Variants in ANKS1B observed in about 807,000 individuals in gnomAD.
The protein encoded by ANKS1B is ankyrin repeat and sterile alpha motif domain-containing protein 1B.
Under a neutral mutation model 148.3 loss-of-function variants are expected in ANKS1B, and 36 were observed. The ratio of observed to expected loss-of-function variants is 0.24; its 90% CI spans 0.19 to 0.32. The LOEUF is 0.32. ANKS1B is among the 10% of genes least tolerant of loss of function. ANKS1B has a pLI of 1.00. For missense variants in ANKS1B, 1,157 were observed against 1,542.6 expected (o/e 0.75, Z 4.19); for synonymous variants, 542 against 560.8 (o/e 0.97, Z 0.47).
intron 20 of ANKS1B, among the ~76,000 whole-genome samples, chr12:98,805,367 A>G (rs888265312): frequency 1.3e-5 from 2 of 151,828 alleles, no homozygotes; most frequent in Non-Finnish European, 2.9e-5. Context: ...GTACATCATT[A>G]GCTCTCTTCT....
At chr12:99,107,508 A>G (rs1479946654) in intron 15 of ANKS1B, among the ~76,000 whole-genome samples, 2 of 152,240 alleles carry the variant, frequency 1.3e-5, no homozygotes, top group African/African-American at 4.8e-5. Flanking sequence ...TAAAAAGAAA[A>G]TCTGGCATTC....
In ANKS1B at chr12:99,707,803, TAG is replaced by T. The variant is rs143012803; in HGVS notation, c.1129-52595_1129-52594del. On this transcript the variant is annotated intron_variant, in intron 8 of 26. Coordinates refer to ENST00000683438, the MANE Select transcript of ANKS1B (RefSeq NM_001352186.2). ...CCAGCTCTCATAGGCTTCGCTGTCT[TAG>T]AGTTATTATAACTATATTGCTAAAG... Among the ~76,000 whole-genome samples, 1,226 of 152,214 alleles carry T rather than the reference TAG, an allele frequency of 8.1e-3. 19 individuals carry two copies. The highest frequency in any genetic ancestry group is 0.028 in the African/African-American group (1,167 of 41,526).
intron 14 of ANKS1B, among the ~76,000 whole-genome samples, chr12:99,221,454 T>C (rs1047540573): frequency 2.6e-4 from 40 of 152,288 alleles, no homozygotes; most frequent in Admixed American, 1.4e-3. Context: ...CATGGGGCTA[T>C]ATGGCTAATA....
intron 10 of ANKS1B, among the ~76,000 whole-genome samples, chr12:99,444,427 A>T (rs2095601961): frequency 6.6e-6 from 1 of 152,024 alleles, no homozygotes; most frequent in Non-Finnish European, 1.5e-5. Flanking sequence ...TAAATGAATA[A>T]AATTTCAGAA....
At chr12:98,737,941 A>AAGAT (rs759219213) in intron 9 of ANKS1B, among the ~76,000 whole-genome samples, 21 of 152,354 alleles carry the variant, frequency 1.4e-4, no homozygotes, top group Non-Finnish European at 2.6e-4. Context: ...TTAGTCTTTG[A>AAGAT]AGATTGTCAC....
intron 17 of ANKS1B, among the ~76,000 whole-genome samples, chr12:98,940,769 A>G (rs2099835478): frequency 6.6e-6 from 1 of 152,226 alleles, no homozygotes; most frequent in Admixed American, 6.5e-5. Flanking sequence ...TATGTATAAG[A>G]ATGTTCTTTG....
intron 8 of ANKS1B, among the ~76,000 whole-genome samples, chr12:99,725,809 C>G (rs2058561585): frequency 6.6e-6 from 1 of 152,180 alleles, no homozygotes; most frequent in Non-Finnish European, 1.5e-5. Context: ...TCTCAGACCA[C>G]AGTGCAATCA....
intron 10 of ANKS1B, among the ~76,000 whole-genome samples, chr12:99,485,720 C>A (rs555341008): frequency 7.9e-5 from 12 of 152,116 alleles, no homozygotes; most frequent in African/African-American, 2.9e-4. Context: ...GTATTCATTT[C>A]TTTTGATTCT....
At chr12:99,016,335 A>C (rs2099942519) in intron 17 of ANKS1B, among the ~76,000 whole-genome samples, 2 of 152,194 alleles carry the variant, frequency 1.3e-5, no homozygotes, top group African/African-American at 4.8e-5. Flanking sequence ...CCTTTTTGTA[A>C]AGTATACTCA....
intron 26 of ANKS1B, among the ~76,000 whole-genome samples, chr12:98,750,624 C>T (rs999934225): frequency 5.9e-5 from 9 of 152,116 alleles, no homozygotes; most frequent in African/African-American, 1.9e-4. Flanking sequence ...GGATGCAATA[C>T]GGCAGCCGGG....
intron 9 of ANKS1B, among the ~76,000 whole-genome samples, chr12:99,509,770 T>C (rs186111158): frequency 3.9e-5 from 6 of 152,126 alleles, no homozygotes; most frequent in Admixed American, 3.9e-4. Flanking sequence ...ATTTGCAATG[T>C]AGATGAAACA....
intron 12 of ANKS1B, among the ~76,000 whole-genome samples, chr12:99,311,320 T>C (rs2154025893): frequency 6.6e-6 from 1 of 152,144 alleles, no homozygotes; most frequent in South Asian, 2.1e-4. Flanking sequence ...GAAACAAATG[T>C]AGACTCTGTG....
intron 8 of ANKS1B, among the ~76,000 whole-genome samples, chr12:99,660,357 CT>C (rs919390761): frequency 7.9e-6 from 1 of 126,374 alleles, no homozygotes; most frequent in African/African-American, 3.1e-5. Context: ...CTTTCTTTTT[CT>C]TTTTCTTTTT....
intron 14 of ANKS1B, among the ~76,000 whole-genome samples, chr12:99,231,663 AT>A: frequency 6.6e-6 from 1 of 151,808 alleles, no homozygotes; most frequent in South Asian, 2.1e-4. Flanking sequence ...TTAAAAAAAA[AT>A]GTTTCCCTAG....
chr12:99,593,248 G>T (rs1337639312), intron 9 of ANKS1B, among the ~76,000 whole-genome samples: 1 of 151,696 alleles, frequency 6.6e-6, no homozygotes, highest in South Asian at 2.1e-4. Context: ...GGGTTGGGGG[G>T]GTCTTATAAT....
chr12:98,863,213 GGTAA>G (rs1171367305), intron 17 of ANKS1B, among the ~76,000 whole-genome samples: 1 of 152,166 alleles, frequency 6.6e-6, no homozygotes, highest in Non-Finnish European at 1.5e-5. Flanking sequence ...TCCTCCTAAT[GGTAA>G]GTGTTTATTA....
intron 8 of ANKS1B, among the ~76,000 whole-genome samples, chr12:99,761,796 C>T (rs753916243): frequency 3.3e-5 from 5 of 151,988 alleles, no homozygotes; most frequent in Non-Finnish European, 5.9e-5. Flanking sequence ...GCCTAGAAAA[C>T]CCTAAACTCC....
chr12:98,769,165 C>CTTTTTTTTTTTTTTTTTTTTTT lies in ANKS1B; in HGVS notation c.3579+3855_3579+3876dup, dbSNP rs1182264550. Among the ~76,000 whole-genome samples the CTTTTTTTTTTTTTTTTTTTTTT allele has an allele frequency of 9.7e-5, 4 of 41,232 alleles. 2 individuals carry two copies. The highest frequency in any genetic ancestry group is 1.7e-4 in the Non-Finnish European group (4 of 22,916). The allele number at this position is 41,232 out of a possible 152,430, so 27.0% of individuals were successfully genotyped here. A position where few individuals can be genotyped will look rare whatever the true frequency, so the allele number is the denominator to read the frequency against. ...TTGAGGTATTATAGGGTCTTCTTTACTTTTTTTTTTTTTTTTTTTTTTTTT... is the reference window on the plus strand; with the variant it reads ...TTGAGGTATTATAGGGTCTTCTTTACTTTTTTTTTTTTTTTTTTTTTTTTTTTTTTTTTTTTTTTTTTTTTTT... On this transcript the variant is annotated intron_variant, in intron 25 of 26. Transcript: ENST00000683438.
At chr12:99,389,099 T>C (rs1290231840) in intron 12 of ANKS1B, among the ~76,000 whole-genome samples, 1 of 152,188 alleles carries the variant, frequency 6.6e-6, no homozygotes, top group Non-Finnish European at 1.5e-5. Context: ...CTTAGAATCC[T>C]GCCAATGACA....
Sources: allele counts gnomAD v4.1 joint callset (sites outside exome capture counted in the v4.1 genomes callset), GRCh38; gene constraint gnomAD v4.1.1; transcripts MANE v1.5; gene names NCBI Gene and HGNC (gene_info 2026-07-23, HGNC 2026-07-21).